MUSK: variants seen among roughly 807,000 people sequenced by gnomAD.
MUSK encodes the protein muscle associated receptor tyrosine kinase, also known as muscle, skeletal receptor tyrosine-protein kinase.
A neutral mutation model predicts 88.7 loss-of-function variants in MUSK; 55 were observed. That is an observed-to-expected ratio of 0.62 (90% CI 0.50 to 0.78). The LOEUF is 0.78. MUSK is among the 30% of genes least tolerant of loss of function. MUSK has a pLI of 0.00. For missense variants in MUSK, 1,015 were observed against 1,074.3 expected (o/e 0.94, Z 0.77); for synonymous variants, 387 against 391.9 (o/e 0.99, Z 0.15).
intron 14 of MUSK, among the ~76,000 whole-genome samples, chr9:110,789,793 C>A (rs560080290): frequency 6.6e-6 from 1 of 151,930 alleles, no homozygotes; most frequent in East Asian, 1.9e-4. Context: ...AAAAAAAAGA[C>A]GTGTTTTTTG....
chr9:110,788,900 A>T (rs1438379785), intron 14 of MUSK, among the ~76,000 whole-genome samples: 1 of 152,196 alleles, frequency 6.6e-6, no homozygotes, highest in Non-Finnish European at 1.5e-5. Flanking sequence ...AAGAATGAGA[A>T]GCATTTGCAA....
chr9:110,791,195 G>A (rs2077969132), intron 14 of MUSK, among the ~76,000 whole-genome samples: 1 of 150,252 alleles, frequency 6.7e-6, no homozygotes, highest in Admixed American at 6.6e-5. Flanking sequence ...TTCCATCTGA[G>A]GTACCGGGTT....
intron 5 of MUSK, among the ~76,000 whole-genome samples, chr9:110,703,882 T>G (rs1012958810): frequency 6.6e-6 from 1 of 152,174 alleles, no homozygotes; most frequent in African/African-American, 2.4e-5. Context: ...ACGTGAAGCA[T>G]ACCAAGTCCC....
intron 13 of MUSK, among the ~76,000 whole-genome samples, chr9:110,786,549 C>G (rs1015059836): frequency 6.6e-6 from 1 of 151,870 alleles, no homozygotes; most frequent in Admixed American, 6.6e-5. Context: ...ATAATATTTC[C>G]TTTTCAGGAA....
At chr9:110,732,286 C>T (rs1212988797) in intron 5 of MUSK, among the ~76,000 whole-genome samples, 3 of 152,070 alleles carry the variant, frequency 2.0e-5, no homozygotes, top group African/African-American at 7.2e-5. Flanking sequence ...AGCCCCAACC[C>T]CTACAAGAGT....
intron 5 of MUSK, among the ~76,000 whole-genome samples, chr9:110,705,849 C>A (rs540703225): frequency 1.2e-4 from 18 of 152,262 alleles, no homozygotes; most frequent in Non-Finnish European, 1.9e-4. Context: ...TGCCAAAGGG[C>A]TCTAGGAGAG....
At position 110,802,611 on chromosome 9, in the gene MUSK, T is replaced by G. The variant is rs551877949; in HGVS notation, c.*1623T>G. On this transcript the variant is annotated 3_prime_UTR_variant, in exon 15 of 15. Coordinates refer to ENST00000374448, the MANE Select transcript of MUSK (RefSeq NM_005592.4). ...GCAACCAAGACAAAAATGTAGAAAT[T>G]TTCCTAGACTTTGCCCTCTCTTTCA... Among the ~76,000 whole-genome samples the G allele has an allele frequency of 1.3e-5, 2 of 152,266 alleles. No individual in the cohort carries two copies. Among genetic ancestry groups the G allele is most frequent in the East Asian group, 3.9e-4 (2 of 5,186 alleles).
Position 110,754,338 on chromosome 9 carries a change from C to G in MUSK, c.913+6538C>G, listed in dbSNP as rs187098199. On this transcript the variant is annotated intron_variant, in intron 7 of 14. Transcript: ENST00000374448. ...TGACTTCTAGATAATTTTAAAGATA[C>G]TATAATATTGGTGGATATTTTAAGA... 5.5e-4 allele frequency among the ~76,000 whole-genome samples: 84 copies of G among 152,210 alleles called. 1 individual carries two copies. Among genetic ancestry groups the G allele is most frequent in the Admixed American group, 4.6e-3 (70 of 15,258 alleles).
chr9:110,713,014 A>T (rs926392578), intron 5 of MUSK, among the ~76,000 whole-genome samples: 4 of 152,172 alleles, frequency 2.6e-5, no homozygotes, highest in Admixed American at 1.3e-4. Context: ...GCTTTGATTG[A>T]TGAAGAGTGA....
chr9:110,720,401 A>G (rs2076795951), intron 5 of MUSK, among the ~76,000 whole-genome samples: 1 of 152,108 alleles, frequency 6.6e-6, no homozygotes, highest in Admixed American at 6.6e-5. Context: ...TAGAAATGAA[A>G]TGGAAGGTAT....
chr9:110,775,538 T>A, intron 9 of MUSK: 1 of 487,508 alleles, frequency 2.1e-6, no homozygotes, highest in Non-Finnish European at 3.7e-6. Flanking sequence ...AAATTTGACG[T>A]TTTTTTCCCT....
At chr9:110,724,962 G>A (rs1211222070) in intron 5 of MUSK, among the ~76,000 whole-genome samples, 2 of 151,918 alleles carry the variant, frequency 1.3e-5, no homozygotes, top group Non-Finnish European at 2.9e-5. Context: ...AAACACAAGA[G>A]TATCAACTCC....
At chr9:110,687,916 A>C (rs10817074) in intron 3 of MUSK, among the ~76,000 whole-genome samples, 101,351 of 151,890 alleles carry the variant, frequency 0.67, 34,732 homozygotes, top group African/African-American at 0.78. Flanking sequence ...AACCAAACAC[A>C]CTTTTTATTT....
At chr9:110,690,291 T>C (rs190748036) in intron 3 of MUSK, among the ~76,000 whole-genome samples, 23,107 of 98,528 alleles carry the variant, frequency 0.23, 3,997 homozygotes, top group African/African-American at 0.45. Context: ...TAAATATATA[T>C]AAATATATAT....
Position 110,705,429 on chromosome 9 carries a change from A to C in MUSK, c.628+7963A>C, listed in dbSNP as rs141727991. On this transcript the variant is annotated intron_variant, in intron 5 of 14. Coordinates refer to ENST00000374448, the MANE Select transcript of MUSK (RefSeq NM_005592.4). ...TTGAGACCTACAAGAGGAAGCTGGC[A>C]GAGTCACCTAGATGGAGGAAGTGAA... Among the ~76,000 whole-genome samples, 238 of 152,346 alleles carry C rather than the reference A, an allele frequency of 1.6e-3. 1 individual carries two copies. The highest frequency in any genetic ancestry group is 5.2e-3 in the African/African-American group (215 of 41,598).
At position 110,775,770 on chromosome 9, in the gene MUSK, C is replaced by T. The variant is rs745696532; in HGVS notation, c.1185-18C>T. 1.2e-6 allele frequency: 2 copies of T among 1,612,222 alleles called. No homozygotes were observed. Among genetic ancestry groups the T allele is most frequent in the Non-Finnish European group, 1.7e-6 (2 of 1,178,410 alleles). On this transcript the variant is annotated intron_variant, in intron 9 of 14. Coordinates refer to ENST00000374448, the MANE Select transcript of MUSK (RefSeq NM_005592.4). Reference sequence around the variant, plus strand: ...ATGTAATGATTCATCAAGTTTTGTTCTCCATATACTATTTTAGAGAGTACT... The same window carrying T: ...ATGTAATGATTCATCAAGTTTTGTTTTCCATATACTATTTTAGAGAGTACT...
At chr9:110,748,847 C>T (rs993151467) in intron 7 of MUSK, among the ~76,000 whole-genome samples, 3 of 152,126 alleles carry the variant, frequency 2.0e-5, no homozygotes, top group Non-Finnish European at 4.4e-5. Context: ...CTGGGACTGC[C>T]TATGAAGGAA....
intron 13 of MUSK, among the ~76,000 whole-genome samples, chr9:110,786,297 C>CCT (rs1359494511): frequency 7.9e-6 from 1 of 126,450 alleles, no homozygotes; most frequent in African/African-American, 3.0e-5. Context: ...GGTGACAGAG[C>CCT]AAGACTCTGT....
At chr9:110,707,905 A>G (rs1377801503) in intron 5 of MUSK, among the ~76,000 whole-genome samples, 1 of 152,166 alleles carries the variant, frequency 6.6e-6, no homozygotes, top group Admixed American at 6.5e-5. Flanking sequence ...GCTTCAGTGC[A>G]TGAGTCTCCA....
Sources: gnomAD v4.1 joint callset for allele counts (sites outside exome capture counted in the v4.1 genomes callset) on GRCh38, gnomAD v4.1.1 for gene constraint, MANE v1.5 for transcripts, NCBI Gene and HGNC (gene_info 2026-07-23, HGNC 2026-07-21) for gene names.